AGMO: variants seen among roughly 807,000 people sequenced by gnomAD.
The protein encoded by AGMO is glyceryl-ether monooxygenase.
AGMO carries 75 observed loss-of-function variants against 60.2 expected under a neutral mutation model. The ratio of observed to expected loss-of-function variants is 1.25; its 90% CI spans 1.03 to 1.51. AGMO has a LOEUF of 1.51. Among genes scored for constraint, AGMO ranks in the 40% most tolerant of loss-of-function variants. AGMO has a pLI of 0.00. For missense variants in AGMO, 763 were observed against 525.5 expected (o/e 1.45, Z -4.42); for synonymous variants, 261 against 177.1 (o/e 1.47, Z -3.76).
intron 8 of AGMO, among the ~76,000 whole-genome samples, chr7:15,389,852 T>C (rs949670671): frequency 1.3e-5 from 2 of 152,314 alleles, no homozygotes; most frequent in African/African-American, 4.8e-5. Flanking sequence ...GCAGTGCACA[T>C]AGTAGAAGCT....
intron 12 of AGMO, among the ~76,000 whole-genome samples, chr7:15,259,919 A>AAC (rs1783217547): frequency 1.3e-5 from 2 of 148,790 alleles, no homozygotes; most frequent in Admixed American, 6.7e-5. Context: ...AAAAAAAAAA[A>AAC]AAAAAAAGCT....
rs148305177 is a variant in AGMO at position 15,358,473 on chromosome 7, T to C, written c.1263+7041A>G. On this transcript the variant is annotated intron_variant, in intron 12 of 12. Transcript: ENST00000342526. ...AAAGGGTGAGATACGTACTAATTAA[T>C]GTTGGTACTCCGTGATTTCAGTCAG... The C allele has an allele frequency of 2.5e-4, 117 of 468,152 alleles. 1 individual carries two copies. Among genetic ancestry groups the C allele is most frequent in the African/African-American group, 2.0e-3 (100 of 49,996 alleles). 29.0% of individuals were successfully genotyped at this position (468,152 alleles called of 1,614,324 possible). A position where few individuals can be genotyped will look rare whatever the true frequency, so the allele number is the denominator to read the frequency against.
chr7:15,225,927 C>T (rs896933899), intron 12 of AGMO, among the ~76,000 whole-genome samples: 6 of 151,834 alleles, frequency 4.0e-5, no homozygotes, highest in African/African-American at 1.5e-4. Context: ...GGCATCTAAT[C>T]CACTATCTAT....
At chr7:15,251,985 G>T (rs1341748298) in intron 12 of AGMO, among the ~76,000 whole-genome samples, 3 of 152,156 alleles carry the variant, frequency 2.0e-5, no homozygotes, top group African/African-American at 7.2e-5. Flanking sequence ...CTCCCATTCT[G>T]ATGTAATTTA....
intron 12 of AGMO, among the ~76,000 whole-genome samples, chr7:15,290,499 C>T (rs2128521844): frequency 6.6e-6 from 1 of 152,252 alleles, no homozygotes; most frequent in Non-Finnish European, 1.5e-5. Flanking sequence ...CAAATACACT[C>T]ATTATTATCT....
chr7:15,431,191 A>C, intron 3 of AGMO, 83 bp from the exon 4 acceptor site: 1 of 896,066 alleles, frequency 1.1e-6, no homozygotes, highest in Non-Finnish European at 1.8e-6. Flanking sequence ...TGCTCTGTTG[A>C]GTGAGGAAGA....
chr7:15,349,196 T>G (rs1583438441), intron 12 of AGMO, among the ~76,000 whole-genome samples: 1 of 152,092 alleles, frequency 6.6e-6, no homozygotes, highest in Admixed American at 6.6e-5. Flanking sequence ...CAGAAAACCT[T>G]CTTTAACACC....
In AGMO at chr7:15,541,037, T is replaced by A. The variant is rs572638756; in HGVS notation, c.409+3735A>T. Among the ~76,000 whole-genome samples the A allele has an allele frequency of 5.9e-5, 9 of 152,236 alleles. No individual in the cohort carries two copies. In the South Asian group the frequency reaches 1.2e-3, roughly 21 times the overall value. On this transcript the variant is annotated intron_variant, in intron 3 of 12. Coordinates refer to ENST00000342526, the MANE Select transcript of AGMO (RefSeq NM_001004320.2). The stretch of plus-strand genomic sequence containing the variant: ...AAATGTTTCCTTGAAAATCTTTACC[T>A]GTTTTCTTACATGTTTAGTGTAACT...
intron 12 of AGMO, among the ~76,000 whole-genome samples, chr7:15,287,269 A>G (rs1784124854): frequency 6.6e-6 from 1 of 152,216 alleles, no homozygotes; most frequent in Non-Finnish European, 1.5e-5. Flanking sequence ...GGCAAAAATT[A>G]ATAGAAATTA....
intron 3 of AGMO, among the ~76,000 whole-genome samples, chr7:15,474,245 C>A (rs1426411611): frequency 6.6e-6 from 1 of 152,092 alleles, no homozygotes; most frequent in Admixed American, 6.6e-5. Context: ...ATAGCCAAGA[C>A]AATCCTAAGC....
At chr7:15,361,406 G>A (rs1782747663) in intron 12 of AGMO, among the ~76,000 whole-genome samples, 1 of 151,604 alleles carries the variant, frequency 6.6e-6, no homozygotes, top group African/African-American at 2.4e-5. Flanking sequence ...CGGGCGTGGT[G>A]GCGGGCACCT....
rs184979574 is a variant in AGMO, at chr7:15,387,338, C to G, written c.957+68G>C. 9.8e-4 allele frequency: 1,523 copies of G among 1,550,922 alleles called. 9 individuals carry two copies. The highest frequency in any genetic ancestry group is 2.1e-4 in the Non-Finnish European group (242 of 1,139,292). On this transcript the variant is annotated intron_variant, in intron 9 of 12. Transcript: ENST00000342526. ...GATTTGCATGAAAACAGCGTATGTA[C>G]AGGCTGGCTGTAGACCTGACAATAT...
the AGMO span, among the ~76,000 whole-genome samples, chr7:15,126,987 C>G: frequency 6.6e-6 from 1 of 152,088 alleles, no homozygotes; most frequent in South Asian, 2.1e-4. Context: ...CTATTGATCC[C>G]AGGTCTTCAG....
At chr7:15,410,207 T>A (rs1784801956) in intron 5 of AGMO, among the ~76,000 whole-genome samples, 2 of 151,582 alleles carry the variant, frequency 1.3e-5, no homozygotes, top group South Asian at 4.2e-4. Context: ...CCATTTAACT[T>A]TTTTTTATTA....
intron 3 of AGMO, among the ~76,000 whole-genome samples, chr7:15,491,758 A>G (rs1783072857): frequency 6.6e-6 from 1 of 152,224 alleles, no homozygotes; most frequent in Non-Finnish European, 1.5e-5. Flanking sequence ...TACCAAAAGA[A>G]TTAAGACAGA....
chr7:15,180,332 T>C, the AGMO span, among the ~76,000 whole-genome samples: 4 of 152,348 alleles, frequency 2.6e-5, no homozygotes, highest in Admixed American at 6.5e-5. Flanking sequence ...CTGAATACTT[T>C]GCTATTTAGA....
intron 10 of AGMO, among the ~76,000 whole-genome samples, chr7:15,373,869 A>T (rs1477982590): frequency 6.6e-6 from 1 of 152,182 alleles, no homozygotes; most frequent in South Asian, 2.1e-4. Context: ...AAAAGTTATT[A>T]TTTTGATTAA....
intron 12 of AGMO, among the ~76,000 whole-genome samples, chr7:15,274,649 T>C (rs1350541612): frequency 6.6e-6 from 1 of 152,038 alleles, no homozygotes; most frequent in African/African-American, 2.4e-5. Flanking sequence ...TACCAGTACT[T>C]TGTACATTTG....
At chr7:15,535,806 C>T (rs1784471998) in intron 3 of AGMO, among the ~76,000 whole-genome samples, 1 of 151,826 alleles carries the variant, frequency 6.6e-6, no homozygotes, top group Admixed American at 6.6e-5. Flanking sequence ...CAGTTATACT[C>T]TTTTAGTTAT....
Sources: gnomAD v4.1 joint callset for allele counts (sites outside exome capture counted in the v4.1 genomes callset) on GRCh38, gnomAD v4.1.1 for gene constraint, MANE v1.5 for transcripts, NCBI Gene and HGNC (gene_info 2026-07-23, HGNC 2026-07-21) for gene names.